Variants in KIAA1614 observed in about 807,000 individuals in gnomAD.
KIAA1614 encodes KIAA1614, also known as uncharacterized protein KIAA1614.
KIAA1614 carries 76 observed loss-of-function variants against 88.7 expected under a neutral mutation model. That is an observed-to-expected ratio of 0.86 (90% confidence interval 0.71 to 1.04). The LOEUF is 1.04. Ranked by LOEUF, KIAA1614 falls within the 50% of genes least tolerant of loss-of-function variation. The probability of loss-of-function intolerance (pLI) is 0.00; values close to 1 mark genes in which losing one functional copy is unlikely to be tolerated. For missense variants in KIAA1614, 1,553 were observed against 1,582.5 expected, an observed-to-expected ratio of 0.98 and a Z score of 0.32; for synonymous variants, 714 against 675.5, an observed-to-expected ratio of 1.06 and a Z score of -0.88.
intron 1 of KIAA1614, 70 bp downstream of exon 1, chr1:180,913,363 G>A (rs1039427628): frequency 4.6e-6 from 5 of 1,082,886 alleles, no homozygotes; most frequent in Non-Finnish European, 5.9e-6. Flanking sequence ...GAGGAGCGGG[G>A]AGCCCAGGTC....
At chr1:180,928,275 C>T in intron 3 of KIAA1614, 155 bp from the exon 4 acceptor site, 2 of 911,926 alleles carry the variant, frequency 2.2e-6, no homozygotes, top group Middle Eastern at 2.7e-4. Context: ...GGCCCCCAGG[C>T]TGGGTTCCCT....
chr1:180,943,034 T>G (rs199852794), intron 7 of KIAA1614, among the ~76,000 whole-genome samples: 8 of 139,494 alleles, frequency 5.7e-5, no homozygotes, highest in Admixed American at 2.8e-4. Context: ...TTGGGTTTTT[T>G]TTTTTTTTTT....
Position 180,916,577 on chromosome 1 carries a change from G to A in KIAA1614, c.474G>A (p.Glu158=), listed in dbSNP as rs553186694. Residue 158 remains glutamate, a synonymous_variant, in exon 2 of 9, where the codon GAG becomes GAA. Transcript: ENST00000367588. ...PDGQLDGSIN[E]EQPARDGGPR... ...GGCAGCTGGACGGCAGCATCAATGA[G>A]GAGCAACCCGCCAGGGATGGAGGCC... The A allele has an allele frequency of 1.7e-5, 28 of 1,609,006 alleles. No homozygotes were observed. In the East Asian group the frequency reaches 5.8e-4, roughly 33 times the overall value.
intron 8 of KIAA1614, chr1:180,944,829 A>C: frequency 3.8e-6 from 1 of 260,442 alleles, no homozygotes. Flanking sequence ...GAGTTTTCTT[A>C]GCCCAGCTAA....
chr1:180,916,992 G>C lies in KIAA1614; in HGVS notation c.889G>C (p.Val297Leu), dbSNP rs762230599. The C allele has an allele frequency of 1.9e-6, 3 of 1,613,988 alleles. No homozygotes were observed. The East Asian group carries it at 6.7e-5, about 36-fold the overall frequency. ...CAGTGTCTTGTCCCTGTCTGATCGG[G>C]TGGAGAGAAACCGCCTGTTGCTGCA... The part of the protein sequence containing the change: ...GSSVLSLSDR[V>L]ERNRLLLQEM... The change falls in exon 2 of 9, where the codon GTG becomes CTG. Residue 297 changes from valine (V) to leucine (L), a missense_variant. Coordinates refer to ENST00000367588, the MANE Select transcript of KIAA1614 (RefSeq NM_020950.2).
chr1:180,946,787 T>A lies in KIAA1614; in HGVS notation c.*1199T>A, dbSNP rs1654605695. Reference sequence around the variant, plus strand: ...ACCACAGCATGAGTTCTCATGTCTGTTCCATCATTGTTTCAGCAAATATAT... The same window carrying A: ...ACCACAGCATGAGTTCTCATGTCTGATCCATCATTGTTTCAGCAAATATAT... On this transcript the variant is annotated 3_prime_UTR_variant, in exon 9 of 9. Transcript: ENST00000367588. 1 of 152,248 alleles carries A rather than the reference T, an allele frequency of 6.6e-6. No homozygotes were observed. Among genetic ancestry groups the A allele is most frequent in the African/African-American group, 2.4e-5 (1 of 41,450 alleles). The allele number at this position is 152,248 out of a possible 1,614,324, so 9.4% of individuals were successfully genotyped here.
At chr1:180,928,620 A>T (rs750061688) in intron 4 of KIAA1614, 47 bp downstream of exon 4, 1 of 1,585,908 alleles carries the variant, frequency 6.3e-7, no homozygotes, top group East Asian at 2.3e-5. Flanking sequence ...CATAGCAGGG[A>T]AGAGTCAGCA....
In KIAA1614 at chr1:180,945,650, G is replaced by A; in HGVS notation, c.*62G>A. The A allele has an allele frequency of 1.3e-6, 2 of 1,504,002 alleles. No homozygotes were observed. The highest frequency in any genetic ancestry group is 1.9e-4 in the Middle Eastern group (1 of 5,220). 93.2% of individuals were successfully genotyped at this position (1,504,002 alleles called of 1,614,324 possible). A position where few individuals can be genotyped will look rare whatever the true frequency, so the allele number is the denominator to read the frequency against. On this transcript the variant is annotated 3_prime_UTR_variant, in exon 9 of 9. Coordinates refer to ENST00000367588, the MANE Select transcript of KIAA1614 (RefSeq NM_020950.2). ...ACAGGACTAGGCTTCTCCCCTCAGG[G>A]GCTCTTTCTGAATTGTCCAGGGCTC...
At chr1:180,927,328 C>T (rs989619301) in intron 3 of KIAA1614, among the ~76,000 whole-genome samples, 1 of 152,204 alleles carries the variant, frequency 6.6e-6, no homozygotes, top group Non-Finnish European at 1.5e-5. Flanking sequence ...CCCCAAAGAG[C>T]GCATCTGCCC....
At chr1:180,934,252 C>CAA (rs71121058) in intron 4 of KIAA1614, among the ~76,000 whole-genome samples, 4 of 101,804 alleles carry the variant, frequency 3.9e-5, no homozygotes, top group African/African-American at 1.3e-4. Flanking sequence ...AACTCCGTCT[C>CAA]AAAAAAAAAA....
intron 4 of KIAA1614, among the ~76,000 whole-genome samples, chr1:180,928,804 T>C (rs1654130122): frequency 1.3e-5 from 1 of 77,686 alleles, no homozygotes; most frequent in Non-Finnish European, 3.7e-5. Context: ...ATGATCTGGA[T>C]CCCTGGGGGG....
chr1:180,935,886 G>T lies in KIAA1614; in HGVS notation c.1977G>T (p.Trp659Cys). The change falls in exon 5 of 9, where the codon TGG becomes TGT. Residue 659 changes from tryptophan to cysteine, a missense_variant. Coordinates refer to ENST00000367588, the MANE Select transcript of KIAA1614 (RefSeq NM_020950.2). This position sits in a 1 kb window ranked among gnomAD's most constrained non-coding sequence, Gnocchi z 6.1. Reference protein sequence around the residue: ...LRGSRPRGHRWSKKAEAELPW... With the variant: ...LRGSRPRGHRCSKKAEAELPW... ...GCTCCAGGCCTCGAGGCCACAGGTG[G>T]TCCAAGAAGGCTGAGGCGGAGCTCC... 1 of 1,613,886 alleles carries T rather than the reference G, an allele frequency of 6.2e-7. No individual in the cohort carries two copies. The highest frequency in any genetic ancestry group is 1.7e-5 in the Admixed American group (1 of 60,032).
At chr1:180,915,858 A>G (rs1653781551) in intron 1 of KIAA1614, among the ~76,000 whole-genome samples, 1 of 152,214 alleles carries the variant, frequency 6.6e-6, no homozygotes, top group South Asian at 2.1e-4. Flanking sequence ...TGAGGGAGCT[A>G]GGGTGCAAGC....
At chr1:180,917,969 A>G in intron 3 of KIAA1614, 55 bp downstream of exon 3, 1 of 1,463,214 alleles carries the variant, frequency 6.8e-7, no homozygotes, top group South Asian at 1.1e-5. Flanking sequence ...TGGTCCCTCT[A>G]TTTACTCAGC....
intron 6 of KIAA1614, among the ~76,000 whole-genome samples, chr1:180,939,799 C>A (rs1654414472): frequency 6.6e-6 from 1 of 152,220 alleles, no homozygotes; most frequent in South Asian, 2.1e-4. Context: ...GTGGAATCCG[C>A]CTTGCCTGCC....
intron 5 of KIAA1614, among the ~76,000 whole-genome samples, chr1:180,937,287 A>T (rs780085848): frequency 5.3e-5 from 8 of 152,232 alleles, no homozygotes; most frequent in Non-Finnish European, 1.0e-4. Context: ...AGGCAGACAC[A>T]CTGTCCAGAG....
At chr1:180,941,570 G>A (rs1327536331) in intron 7 of KIAA1614, among the ~76,000 whole-genome samples, 1 of 152,134 alleles carries the variant, frequency 6.6e-6, no homozygotes, top group East Asian at 1.9e-4. Context: ...AAGTCTCGGA[G>A]AGTTGACAGC....
In KIAA1614 at chr1:180,916,578, G is replaced by A; in HGVS notation, c.475G>A (p.Glu159Lys). 1.2e-6 allele frequency: 2 copies of A among 1,609,020 alleles called. No homozygotes were observed. The highest frequency in any genetic ancestry group is 1.1e-5 in the South Asian group (1 of 90,742). ...DGQLDGSINE[E>K]QPARDGGPRL... is the part of the protein sequence containing the mutation. ...GCAGCTGGACGGCAGCATCAATGAG[G>A]AGCAACCCGCCAGGGATGGAGGCCC... is the stretch of plus-strand genomic sequence containing the variant. Residue 159 changes from glutamate (E) to lysine (K), a missense_variant, in exon 2 of 9, where the codon GAG (glutamate) becomes AAG (lysine). Physicochemically the swap from Glu to Lys is moderately conservative, Grantham distance 56 (BLOSUM62 1). Transcript: ENST00000367588.
intron 4 of KIAA1614, among the ~76,000 whole-genome samples, chr1:180,930,684 C>G (rs78023469): frequency 0.012 from 1,903 of 152,332 alleles, 46 homozygotes; most frequent in African/African-American, 0.043. Context: ...AACGTAGGCT[C>G]CCTTTTGCAG....
Sources: allele counts gnomAD v4.1 joint callset (sites outside exome capture counted in the v4.1 genomes callset), GRCh38; gene constraint gnomAD v4.1.1; non-coding constraint Gnocchi (gnomAD v3.1); transcripts MANE v1.5; gene names NCBI Gene and HGNC (gene_info 2026-07-23, HGNC 2026-07-21).